MRE11: variants seen among roughly 807,000 people sequenced by gnomAD.
The protein encoded by MRE11 is double-strand break repair protein MRE11.
In MRE11, 62 loss-of-function variants were observed where a neutral mutation model predicts 91.7. The observed-to-expected ratio is 0.68, with a 90% CI of 0.55 to 0.84. MRE11 has a LOEUF of 0.84. Ranked by LOEUF, MRE11 falls within the 40% of genes least tolerant of loss-of-function variation. The pLI is 0.00. For missense variants in MRE11, 796 were observed against 852.9 expected (o/e 0.93, Z 0.83); for synonymous variants, 273 against 271.4 (o/e 1.01, Z -0.06).
rs1591654817 is a variant in MRE11, at chr11:94,447,220, T to C, written c.1782A>G (p.Arg594=). 3.1e-6 allele frequency: 5 copies of C among 1,612,230 alleles called. No homozygotes were observed. The highest frequency in any genetic ancestry group is 4.2e-6 in the Non-Finnish European group (5 of 1,179,950). ...SASRGGSQRG[R]ADTGLETSTR... The stretch of plus-strand genomic sequence containing the variant: ...CACAGGACTGAACTCAGTGCTCACC[T>C]CTTCCTCTTTGAGACCCTCCTCTCG... The change falls in exon 15 of 20, where the codon AGA becomes AGG. Residue 594 remains arginine (R), a splice_region_variant and synonymous_variant. Coordinates refer to ENST00000323929, the MANE Select transcript of MRE11 (RefSeq NM_005591.4).
the MRE11 span, among the ~76,000 whole-genome samples, chr11:94,501,085 A>G: frequency 6.6e-6 from 1 of 152,356 alleles, no homozygotes; most frequent in South Asian, 2.1e-4. Context: ...TTACTAGATG[A>G]CCACTCAATT....
chr11:94,505,493 A>G, the MRE11 span, among the ~76,000 whole-genome samples: 6 of 152,234 alleles, frequency 3.9e-5, no homozygotes, highest in African/African-American at 7.2e-5. Context: ...AGCTCATAGA[A>G]TGAGGCTATA....
At chr11:94,510,370 A>G in the MRE11 span, among the ~76,000 whole-genome samples, 1 of 152,226 alleles carries the variant, frequency 6.6e-6, no homozygotes, top group East Asian at 1.9e-4. Context: ...AACTAATCTT[A>G]AAGAAGTTTA....
intron 11 of MRE11, among the ~76,000 whole-genome samples, chr11:94,461,479 T>A (rs1946411909): frequency 6.6e-6 from 1 of 152,152 alleles, no homozygotes; most frequent in South Asian, 2.1e-4. Flanking sequence ...CTCAAAATAA[T>A]AAGAGCTATT....
At chr11:94,429,776 T>C (rs568916273) in intron 19 of MRE11, 135 bp downstream of exon 19, 51 of 747,550 alleles carry the variant, frequency 6.8e-5, no homozygotes, top group Admixed American at 7.3e-5. Context: ...GTAACAAACC[T>C]GCACATGTAC....
At chr11:94,454,787 G>A (rs1012816627) in intron 14 of MRE11, among the ~76,000 whole-genome samples, 7 of 152,128 alleles carry the variant, frequency 4.6e-5, no homozygotes, top group Admixed American at 3.9e-4. Context: ...CAAACATGAA[G>A]AACTCACTCA....
intron 14 of MRE11, among the ~76,000 whole-genome samples, chr11:94,447,798 T>A (rs541788667): frequency 6.6e-6 from 1 of 151,848 alleles, no homozygotes; most frequent in Non-Finnish European, 1.5e-5. Flanking sequence ...ATCACACCAC[T>A]GCACTCCAGC....
intron 16 of MRE11, among the ~76,000 whole-genome samples, chr11:94,445,335 G>A (rs190557822): frequency 1.3e-5 from 2 of 152,302 alleles, no homozygotes; most frequent in Admixed American, 1.3e-4. Flanking sequence ...TTTTGAGACG[G>A]AGTCTCTCTC....
In MRE11 at chr11:94,479,706, T is replaced by C. The variant is rs1591708559; in HGVS notation, c.370A>G (p.Ser124Gly). 2.5e-6 allele frequency: 4 copies of C among 1,613,196 alleles called. No homozygotes were observed. Among genetic ancestry groups the C allele is most frequent in the Non-Finnish European group, 3.4e-6 (4 of 1,179,718 alleles). Reference sequence around the variant, plus strand: ...GGATCGTCATGATTGCCATGAATACTAAACACTGGAATTGAAATGTTGAGG... The same window carrying C: ...GGATCGTCATGATTGCCATGAATACCAAACACTGGAATTGAAATGTTGAGG... ...GNLNISIPVF[S>G]IHGNHDDPTG... is the part of the protein sequence containing the mutation. The change falls in exon 5 of 20, where the codon AGT becomes GGT. Residue 124 changes from serine (S) to glycine (G), a missense_variant. Transcript: ENST00000323929.
At chr11:94,511,531 T>C in the MRE11 span, among the ~76,000 whole-genome samples, 1 of 152,212 alleles carries the variant, frequency 6.6e-6, no homozygotes. Context: ...AATAAGTATA[T>C]GTGACACAGG....
intron 2 of MRE11, among the ~76,000 whole-genome samples, chr11:94,491,617 TAAAG>T (rs1277464616): frequency 6.6e-6 from 1 of 152,174 alleles, no homozygotes; most frequent in Admixed American, 6.5e-5. Flanking sequence ...CCCTCACAGA[TAAAG>T]AGTCAGGCAT....
At chr11:94,496,920 G>C, upstream of MRE11, 1 of 1,613,466 alleles carries the variant, frequency 6.2e-7, no homozygotes, top group South Asian at 1.1e-5. Flanking sequence ...GACCCAAGCA[G>C]ATTGCTTCTT....
chr11:94,478,279 T>C (rs535863563), intron 6 of MRE11, among the ~76,000 whole-genome samples: 1 of 152,276 alleles, frequency 6.6e-6, no homozygotes, highest in Admixed American at 6.5e-5. Context: ...TTAAGAAAAG[T>C]ATATTTCACT....
intron 4 of MRE11, among the ~76,000 whole-genome samples, chr11:94,484,544 T>TC (rs1026695879): frequency 2.0e-5 from 3 of 152,180 alleles, no homozygotes; most frequent in African/African-American, 7.2e-5. Flanking sequence ...ACTCAGAGAC[T>TC]CAATTCTAAC....
intron 14 of MRE11, among the ~76,000 whole-genome samples, chr11:94,454,070 A>C (rs1946186338): frequency 6.7e-6 from 1 of 149,994 alleles, no homozygotes; most frequent in Non-Finnish European, 1.5e-5. Flanking sequence ...ATGTGAACAA[A>C]AGATTTTTTT....
intron 14 of MRE11, among the ~76,000 whole-genome samples, chr11:94,450,274 C>T (rs1946064150): frequency 6.6e-6 from 1 of 152,136 alleles, no homozygotes; most frequent in Admixed American, 6.5e-5. Flanking sequence ...CAATGATTCA[C>T]CATTTGCTAA....
rs778842426 is a variant in MRE11, at chr11:94,417,133, T to G, written c.*2992A>C. 6.3e-6 allele frequency: 1 copy of G among 159,434 alleles called. No homozygotes were observed. The highest frequency in any genetic ancestry group is 6.5e-5 in the Admixed American group (1 of 15,436). 9.9% of individuals were successfully genotyped at this position (159,434 alleles called of 1,614,324 possible). A position where few individuals can be genotyped will look rare whatever the true frequency, so the allele number is the denominator to read the frequency against. ...CTAAGATTACAGGCACACACCACCA[T>G]GCCCAGCTAATCTTTTGTATTTTTA... On this transcript the variant is annotated 3_prime_UTR_variant, in exon 20 of 20. Coordinates refer to ENST00000323929, the MANE Select transcript of MRE11 (RefSeq NM_005591.4).
intron 10 of MRE11, among the ~76,000 whole-genome samples, chr11:94,465,967 G>GT (rs1333107143): frequency 4.6e-5 from 7 of 152,192 alleles, no homozygotes; most frequent in African/African-American, 1.7e-4. Context: ...GCTATAAGAG[G>GT]TATGTACAAA....
At chr11:94,485,162 G>C (rs1016092286) in intron 4 of MRE11, among the ~76,000 whole-genome samples, 3 of 151,976 alleles carry the variant, frequency 2.0e-5, no homozygotes, top group Non-Finnish European at 4.4e-5. Flanking sequence ...CTAAGGCAGG[G>C]AGAATTGCTT....
Sources: allele counts gnomAD v4.1 joint callset (sites outside exome capture counted in the v4.1 genomes callset), GRCh38; gene constraint gnomAD v4.1.1; transcripts MANE v1.5; gene names NCBI Gene and HGNC (gene_info 2026-07-23, HGNC 2026-07-21).